The following ADGRE3 variants were observed in gnomAD, a reference collection of about 807,000 sequenced individuals.
ADGRE3 encodes the protein EGF-like module receptor 3.
In ADGRE3, 88 loss-of-function variants were observed where a neutral mutation model predicts 80.1. The ratio of observed to expected loss-of-function variants is 1.10; its 90% CI spans 0.93 to 1.31. ADGRE3 has a LOEUF of 1.31. Among genes scored for constraint, ADGRE3 ranks in the 40% most tolerant of loss-of-function variants. The pLI, the probability that ADGRE3 is intolerant of heterozygous loss-of-function variation, is 0.00. For missense variants in ADGRE3, 715 were observed against 776.5 expected, an observed-to-expected ratio of 0.92 and a Z score of 0.94; for synonymous variants, 281 against 294.8, an observed-to-expected ratio of 0.95 and a Z score of 0.48.
intron 15 of ADGRE3, among the ~76,000 whole-genome samples, chr19:14,620,492 T>TTG (rs1298475031): frequency 6.5e-5 from 3 of 46,194 alleles, no homozygotes; most frequent in East Asian, 7.9e-4. Context: ...TATGAATATA[T>TTG]ATGAATATAT....
At chr19:14,633,520 C>T (rs1028547090) in intron 11 of ADGRE3, among the ~76,000 whole-genome samples, 14 of 151,794 alleles carry the variant, frequency 9.2e-5, no homozygotes, top group African/African-American at 2.7e-4. Flanking sequence ...TCCTGGCTAA[C>T]GTGGTGAAAC....
downstream of ADGRE3, among the ~76,000 whole-genome samples, chr19:14,616,534 A>G (rs1215362511): frequency 6.6e-6 from 1 of 151,786 alleles, no homozygotes; most frequent in East Asian, 1.9e-4. Context: ...TCCTTATAGG[A>G]GGATAGTGTG....
chr19:14,629,167 C>T (rs1431943930), intron 14 of ADGRE3, among the ~76,000 whole-genome samples: 1 of 152,032 alleles, frequency 6.6e-6, no homozygotes, highest in African/African-American at 2.4e-5. Flanking sequence ...CAAGTGATCC[C>T]CCTGTGCTGG....
rs1971248452 is a variant in ADGRE3 at position 14,641,566 on chromosome 19, A to C, written c.1101T>G (p.Ser367=). ...TVITYVGLSV[S]LLCLLLAALT... ...GGGCCGCCAGGAGGAGGCACAGCAG[A>C]GAGACGCTCAGCCCCACGTAGGTGA... is the stretch of plus-strand genomic sequence containing the variant. The change falls in exon 10 of 16, where the codon TCT becomes TCG. Residue 367 remains serine (S), a synonymous_variant. Coordinates refer to ENST00000253673, the MANE Select transcript of ADGRE3 (RefSeq NM_032571.5). The C allele has an allele frequency of 6.2e-7, 1 of 1,614,078 alleles. No homozygotes were observed. Among genetic ancestry groups the C allele is most frequent in the Admixed American group, 1.7e-5 (1 of 59,996 alleles).
At chr19:14,610,232 G>T in the ADGRE3 span, 1 of 1,545,830 alleles carries the variant, frequency 6.5e-7, no homozygotes, top group Non-Finnish European at 8.7e-7. Context: ...ATATCTGAGT[G>T]TCTCTTTGAG....
At chr19:14,665,998 GTTGA>G (rs1247608566) in intron 2 of ADGRE3, among the ~76,000 whole-genome samples, 2 of 87,724 alleles carry the variant, frequency 2.3e-5, no homozygotes, top group East Asian at 7.8e-4. Flanking sequence ...TTATCCACGT[GTTGA>G]TTGATGGGCA....
intron 15 of ADGRE3, among the ~76,000 whole-genome samples, chr19:14,620,536 T>TATATATATATAATATATATA (rs1568471365): frequency 5.4e-5 from 2 of 37,262 alleles, no homozygotes; most frequent in African/African-American, 3.0e-4. Flanking sequence ...ATATATATAT[T>TATATATATATAATATATATA]TTATATATAT....
chr19:14,671,610 G>T (rs1972258773), intron 1 of ADGRE3, among the ~76,000 whole-genome samples: 1 of 152,026 alleles, frequency 6.6e-6, no homozygotes, highest in African/African-American at 2.4e-5. Context: ...GGATGTCTCT[G>T]GGGGGACTGT....
intron 10 of ADGRE3, among the ~76,000 whole-genome samples, chr19:14,638,960 G>A (rs2146835390): frequency 6.6e-6 from 1 of 152,228 alleles, no homozygotes; most frequent in Middle Eastern, 3.4e-3. Flanking sequence ...GGAGTGCAGT[G>A]GCACAATCAT....
downstream of ADGRE3, among the ~76,000 whole-genome samples, chr19:14,615,199 CTTCTTTTTTTTTTT>C (rs917004800): frequency 4.1e-4 from 37 of 91,056 alleles, no homozygotes; most frequent in African/African-American, 1.2e-3. Context: ...CTACAGCTGC[CTTCTTTTTTTTTTT>C]TTTTTTTTTT....
rs192735238 is a variant in ADGRE3, at chr19:14,647,203, G to A, written c.860C>T (p.Thr287Met). ...CACCTTCACGTGCTGGAAAGTCAGC[G>A]TCACAGACTTGGAGAGAGACACGTT... ...KRNVSLSKSV[T>M]LTFQHVKMTP... The change falls in exon 8 of 16, where the codon ACG (threonine) becomes ATG (methionine). Residue 287 changes from threonine (T) to methionine (M), a missense_variant. Transcript: ENST00000253673. The A allele has an allele frequency of 1.3e-5, 21 of 1,613,842 alleles. No individual in the cohort carries two copies. The highest frequency in any genetic ancestry group is 9.9e-5 in the South Asian group (9 of 91,074).
chr19:14,607,750 T>C, the ADGRE3 span, among the ~76,000 whole-genome samples: 1 of 151,060 alleles, frequency 6.6e-6, no homozygotes, highest in Non-Finnish European at 1.5e-5. Flanking sequence ...CTAATTTTTG[T>C]AATTTTGTAG....
the ADGRE3 span, among the ~76,000 whole-genome samples, chr19:14,604,166 G>A: frequency 6.6e-6 from 1 of 152,118 alleles, no homozygotes; most frequent in Non-Finnish European, 1.5e-5. Flanking sequence ...TCCGCTCTCT[G>A]ATTTTCTGAC....
At chr19:14,620,566 A>ATTTTTTTTTTTTTTTTTTTT (rs1568471671) in intron 15 of ADGRE3, among the ~76,000 whole-genome samples, 1 of 16,052 alleles carries the variant, frequency 6.2e-5, no homozygotes, top group Non-Finnish European at 1.1e-4. Context: ...ATATATATAT[A>ATTTTTTTTTTTTTTTTTTTT]TATTTTTTTT....
chr19:14,638,791 T>A (rs975456030), intron 10 of ADGRE3, among the ~76,000 whole-genome samples: 1 of 152,076 alleles, frequency 6.6e-6, no homozygotes, highest in African/African-American at 2.4e-5. Context: ...CCTCATCCAC[T>A]TCCCCCCTCA....
chr19:14,619,059 C>T (rs971475722), downstream of ADGRE3: 2 of 279,356 alleles, frequency 7.2e-6, no homozygotes, highest in Non-Finnish European at 1.4e-5. Context: ...TACGATCATG[C>T]CACTACACTC....
chr19:14,618,438 C>T (rs867140633), downstream of ADGRE3, among the ~76,000 whole-genome samples: 1 of 151,970 alleles, frequency 6.6e-6, no homozygotes. Flanking sequence ...GCTTGTAGTC[C>T]CAGCTATCGG....
chr19:14,651,310 G>A, intron 6 of ADGRE3, 106 bp from the exon 7 acceptor site: 2 of 1,237,356 alleles, frequency 1.6e-6, no homozygotes, highest in Non-Finnish European at 2.3e-6. Context: ...AACTACTCAA[G>A]AGGCTGAGGC....
chr19:14,668,881 G>T, intron 1 of ADGRE3, 29 bp from the exon 2 acceptor site: 2 of 1,607,238 alleles, frequency 1.2e-6, no homozygotes, highest in Non-Finnish European at 1.7e-6. Flanking sequence ...AGAAGGGAGA[G>T]ACATGAAACA....
Sources: gnomAD v4.1 joint callset for allele counts (sites outside exome capture counted in the v4.1 genomes callset) on GRCh38, gnomAD v4.1.1 for gene constraint, MANE v1.5 for transcripts, NCBI Gene and HGNC (gene_info 2026-07-23, HGNC 2026-07-21) for gene names.